ITPR2: variants seen among roughly 807,000 people sequenced by gnomAD.
The protein encoded by ITPR2 is inositol 1,4,5-trisphosphate receptor type 2.
ITPR2 carries 207 observed loss-of-function variants against 317.1 expected under a neutral mutation model. The ratio of observed to expected loss-of-function variants is 0.65; its 90% CI spans 0.58 to 0.73. The LOEUF is 0.73. ITPR2 is among the 30% of genes least tolerant of loss of function. ITPR2 has a pLI of 0.00. For missense variants in ITPR2, 2,613 were observed against 3,284.0 expected, an observed-to-expected ratio of 0.80 and a Z score of 4.99; for synonymous variants, 1,156 against 1,149.1, an observed-to-expected ratio of 1.01 and a Z score of -0.12.
chr12:26,567,996 ATTATATATATTATATATATATATATAT>A, intron 34 of ITPR2, among the ~76,000 whole-genome samples: 1 of 5,152 alleles, frequency 1.9e-4, no homozygotes, highest in African/African-American at 4.4e-4. Flanking sequence ...ATATATATAT[ATTATATATATTATATATATATATATAT>A]ATATATATAA....
chr12:26,550,223 T>C (rs374769142), intron 37 of ITPR2, 24 bp downstream of exon 37: 7 of 964,708 alleles, frequency 7.3e-6, no homozygotes, highest in African/African-American at 6.7e-5. Context: ...TATTTTTAAA[T>C]AATAAAGTTT....
At chr12:26,623,588 G>A (rs1320765057) in intron 24 of ITPR2, among the ~76,000 whole-genome samples, 1 of 152,198 alleles carries the variant, frequency 6.6e-6, no homozygotes, top group Non-Finnish European at 1.5e-5. Flanking sequence ...GGTACTAGCT[G>A]TGGTTTCAGG....
intron 1 of ITPR2, among the ~76,000 whole-genome samples, chr12:26,824,683 C>T (rs1950985598): frequency 6.6e-6 from 1 of 152,000 alleles, no homozygotes; most frequent in East Asian, 1.9e-4. Flanking sequence ...TAATTTAAAA[C>T]CATACATAAA....
At chr12:26,801,082 C>T in intron 1 of ITPR2, 1 of 196,500 alleles carries the variant, frequency 5.1e-6, no homozygotes, top group South Asian at 1.1e-4. Flanking sequence ...CATGCTGTGG[C>T]CTAAAACGAG....
chr12:26,774,338 T>A (rs2137160745), intron 2 of ITPR2, among the ~76,000 whole-genome samples: 1 of 152,258 alleles, frequency 6.6e-6, no homozygotes. Context: ...TATATTGCCT[T>A]TAAAAATTAT....
chr12:26,720,783 C>T (rs1948824013), intron 5 of ITPR2, among the ~76,000 whole-genome samples: 1 of 152,120 alleles, frequency 6.6e-6, no homozygotes, highest in Admixed American at 6.6e-5. Context: ...TCCAGTACAA[C>T]TAATTATTTG....
At chr12:26,686,877 G>A (rs541765890) in intron 10 of ITPR2, among the ~76,000 whole-genome samples, 5 of 152,034 alleles carry the variant, frequency 3.3e-5, no homozygotes, top group African/African-American at 4.8e-5. Flanking sequence ...AGGCACTAAC[G>A]GTACCAATAG....
chr12:26,614,526 T>C (rs1440435223), intron 26 of ITPR2, among the ~76,000 whole-genome samples: 3 of 152,214 alleles, frequency 2.0e-5, no homozygotes, highest in African/African-American at 7.2e-5. Flanking sequence ...CAAATGTTTA[T>C]AGCAGCTTTA....
intron 2 of ITPR2, among the ~76,000 whole-genome samples, chr12:26,762,701 C>T (rs1274308908): frequency 6.6e-6 from 1 of 152,026 alleles, no homozygotes; most frequent in African/African-American, 2.4e-5. Context: ...GGATAAATCG[C>T]TTTTAATTCT....
intron 26 of ITPR2, among the ~76,000 whole-genome samples, chr12:26,605,124 A>ATATAT (rs1268947338): frequency 6.0e-5 from 5 of 83,882 alleles, no homozygotes; most frequent in African/African-American, 2.2e-4. Context: ...ATAAAAAATA[A>ATATAT]AAATATATAT....
At position 26,832,749 on chromosome 12, in the gene ITPR2, T is replaced by C. The variant is rs1371793048; in HGVS notation, c.33A>G (p.Ile11Met). Residue 11 changes from isoleucine to methionine, a missense_variant, in exon 1 of 57, where the codon ATA becomes ATG. By Grantham distance (10) the Ile-to-Met change is conservative. Around this residue, in one of 9 missense-constraint regions of ITPR2, gnomAD observed 515 missense variants for 789.4 expected, o/e 0.65. Transcript: ENST00000381340. MTEKMSSFLY[I>M]GDIVSLYAEG... is the part of the protein sequence containing the mutation. ...CCGCGTACAGGGACACGATGTCCCCTATGTAGAGGAAGCTGGACATTTTCT... is the reference window on the plus strand; with the variant it reads ...CCGCGTACAGGGACACGATGTCCCCCATGTAGAGGAAGCTGGACATTTTCT... The C allele has an allele frequency of 1.2e-6, 2 of 1,602,932 alleles. No homozygotes were observed. Among genetic ancestry groups the C allele is most frequent in the Non-Finnish European group, 8.5e-7 (1 of 1,175,388 alleles).
At chr12:26,507,857 C>CTGTGTGTGTG (rs369130996) in intron 37 of ITPR2, among the ~76,000 whole-genome samples, 243 of 88,314 alleles carry the variant, frequency 2.8e-3, no homozygotes, top group African/African-American at 7.9e-3. Flanking sequence ...TCTTCTCTCT[C>CTGTGTGTGTG]TGTCTCTGTG....
At chr12:26,623,131 C>T (rs1318723387) in intron 24 of ITPR2, among the ~76,000 whole-genome samples, 6 of 152,162 alleles carry the variant, frequency 3.9e-5, no homozygotes, top group East Asian at 3.8e-4. Flanking sequence ...TTAGTGTAGT[C>T]GTCCCCACTA....
At chr12:26,644,799 A>G (rs976730758) in intron 21 of ITPR2, among the ~76,000 whole-genome samples, 1 of 152,184 alleles carries the variant, frequency 6.6e-6, no homozygotes, top group Admixed American at 6.5e-5. Context: ...AACCATATCA[A>G]CCATGATCTT....
At chr12:26,675,819 C>T (rs1319687856) in intron 13 of ITPR2, among the ~76,000 whole-genome samples, 1 of 152,196 alleles carries the variant, frequency 6.6e-6, no homozygotes, top group African/African-American at 2.4e-5. Context: ...CTTTAAAATA[C>T]AGATAGAAAG....
intron 9 of ITPR2, among the ~76,000 whole-genome samples, chr12:26,702,432 T>TTTTTTTTTTTTTTC: frequency 7.9e-5 from 5 of 63,390 alleles, no homozygotes; most frequent in Admixed American, 2.9e-4. Flanking sequence ...TTTTTTTTTC[T>TTTTTTTTTTTTTTC]TTTTTTTTTT....
chr12:26,737,175 G>A (rs1949136939), intron 2 of ITPR2, among the ~76,000 whole-genome samples: 1 of 152,056 alleles, frequency 6.6e-6, no homozygotes, highest in Admixed American at 6.6e-5. Flanking sequence ...AGAGGCAGAT[G>A]CAGTGCAGCA....
intron 35 of ITPR2, among the ~76,000 whole-genome samples, chr12:26,556,930 T>C (rs1179708053): frequency 6.6e-6 from 1 of 151,788 alleles, no homozygotes; most frequent in Non-Finnish European, 1.5e-5. Context: ...AATACAAAAA[T>C]CAGCCAGGCA....
In ITPR2 at chr12:26,550,284, C is replaced by T. The variant is rs1354636059; in HGVS notation, c.5036G>A (p.Arg1679Gln). ...KLCIKILQTLREMLEKKDSFV... is the reference protein window; with the variant it reads ...KLCIKILQTLQEMLEKKDSFV... ...GCTGTCTTTCTTCTCTAACATTTCT[C>T]GTAATGTCTGAAGAATTTTAATGCA... Residue 1679 changes from arginine (R) to glutamine (Q), a missense_variant, in exon 37 of 57, where the codon CGA becomes CAA. This residue lies in a region of ITPR2 where 926 missense variants were observed against 1,072.8 expected (regional missense o/e 0.86). Transcript: ENST00000381340. 3.3e-6 allele frequency: 5 copies of T among 1,537,672 alleles called. No homozygotes were observed. The highest frequency in any genetic ancestry group is 3.5e-5 in the Admixed American group (2 of 57,732).
Sources: allele counts gnomAD v4.1 joint callset (sites outside exome capture counted in the v4.1 genomes callset), GRCh38; gene constraint gnomAD v4.1.1; regional missense constraint gnomAD v4.1.1; transcripts MANE v1.5; gene names NCBI Gene and HGNC (gene_info 2026-07-23, HGNC 2026-07-21).